CADM2: variants seen among roughly 807,000 people sequenced by gnomAD.
The protein encoded by CADM2 is immunoglobulin superfamily member 4D.
In CADM2, 12 loss-of-function variants were observed where a neutral mutation model predicts 49.8. The ratio of observed to expected loss-of-function variants is 0.24; its 90% confidence interval spans 0.15 to 0.39. The LOEUF is 0.39. CADM2 is among the 10% of genes least tolerant of loss of function. The pLI is 1.00. For missense variants in CADM2, 378 were observed against 492.3 expected (o/e 0.77, Z 2.20); for synonymous variants, 214 against 175.4 (o/e 1.22, Z -1.74).
At chr3:85,610,614 A>G (rs1342403357) in intron 1 of CADM2, among the ~76,000 whole-genome samples, 2 of 151,980 alleles carry the variant, frequency 1.3e-5, no homozygotes, top group Non-Finnish European at 2.9e-5. Flanking sequence ...AATCATCACC[A>G]AGCAAACACA....
At chr3:85,308,082 AT>A (rs2044256782) in intron 1 of CADM2, among the ~76,000 whole-genome samples, 1 of 151,844 alleles carries the variant, frequency 6.6e-6, no homozygotes, top group Admixed American at 6.6e-5. Flanking sequence ...TTCAGCCACG[AT>A]TCAGTAACTG....
intron 7 of CADM2, among the ~76,000 whole-genome samples, chr3:85,943,679 T>A (rs11918000): frequency 6.6e-6 from 1 of 151,798 alleles, no homozygotes; most frequent in Non-Finnish European, 1.5e-5. Context: ...CAAAACAGCA[T>A]GGTACTGGTA....
At chr3:85,004,481 A>AT (rs2033628648) in intron 1 of CADM2, among the ~76,000 whole-genome samples, 1 of 152,280 alleles carries the variant, frequency 6.6e-6, no homozygotes, top group Middle Eastern at 3.4e-3. Context: ...AGAAAAGTAA[A>AT]TAAGCAATTC....
chr3:85,812,066 A>G (rs569074577), intron 3 of CADM2, among the ~76,000 whole-genome samples: 179 of 152,192 alleles, frequency 1.2e-3, no homozygotes, highest in Non-Finnish European at 4.3e-4. Flanking sequence ...GGGCATTGAG[A>G]ATACTAAAAT....
At chr3:85,158,406 G>A (rs554340643) in intron 1 of CADM2, among the ~76,000 whole-genome samples, 5 of 152,302 alleles carry the variant, frequency 3.3e-5, no homozygotes, top group African/African-American at 9.6e-5. Flanking sequence ...GTTTACTGCG[G>A]CAGTATTCAC....
intron 1 of CADM2, among the ~76,000 whole-genome samples, chr3:85,344,494 G>A (rs1305392485): frequency 2.0e-5 from 3 of 151,866 alleles, no homozygotes; most frequent in Admixed American, 1.3e-4. Flanking sequence ...GACCAGGGGG[G>A]TGTTTGTAGT....
chr3:85,705,994 G>C (rs973031094), intron 1 of CADM2, among the ~76,000 whole-genome samples: 1 of 152,092 alleles, frequency 6.6e-6, no homozygotes, highest in African/African-American at 2.4e-5. Context: ...TATGACCTCA[G>C]ATTTATCTCT....
chr3:85,910,445 A>G (rs903565671), intron 5 of CADM2, among the ~76,000 whole-genome samples: 1 of 152,132 alleles, frequency 6.6e-6, no homozygotes, highest in Admixed American at 6.5e-5. Context: ...TCATAAATGC[A>G]TCTGAATTAT....
intron 7 of CADM2, among the ~76,000 whole-genome samples, chr3:85,961,000 G>A (rs1433260025): frequency 7.0e-6 from 1 of 142,872 alleles, no homozygotes; most frequent in African/African-American, 2.6e-5. Context: ...GTATTATTTA[G>A]TATTCATTAT....
At chr3:86,064,495 G>A (rs576714770) in intron 8 of CADM2, among the ~76,000 whole-genome samples, 6 of 152,216 alleles carry the variant, frequency 3.9e-5, no homozygotes, top group East Asian at 1.9e-4. Context: ...TTGCTATTGC[G>A]AGTAGTGCCG....
At chr3:85,180,930 G>A (rs547971999) in intron 1 of CADM2, among the ~76,000 whole-genome samples, 3 of 152,242 alleles carry the variant, frequency 2.0e-5, no homozygotes, top group African/African-American at 7.2e-5. Flanking sequence ...CCAGGTATAA[G>A]TGATTAGTCC....
At chr3:85,971,292 T>C (rs1726101108) in intron 8 of CADM2, among the ~76,000 whole-genome samples, 1 of 151,590 alleles carries the variant, frequency 6.6e-6, no homozygotes, top group South Asian at 2.1e-4. Flanking sequence ...GGTGTTTTGC[T>C]TTTAGAAGAT....
intron 1 of CADM2, among the ~76,000 whole-genome samples, chr3:85,133,434 A>G (rs2039300398): frequency 2.0e-5 from 3 of 151,984 alleles, no homozygotes; most frequent in African/African-American, 7.3e-5. Flanking sequence ...TGTGGACACA[A>G]AGGTTCTCCA....
chr3:85,082,409 T>C (rs2037199827), intron 1 of CADM2, among the ~76,000 whole-genome samples: 1 of 152,164 alleles, frequency 6.6e-6, no homozygotes, highest in African/African-American at 2.4e-5. Flanking sequence ...TATTTTGCAA[T>C]ACATGGACAT....
At chr3:84,989,932 T>C (rs2107173058) in intron 1 of CADM2, among the ~76,000 whole-genome samples, 1 of 152,054 alleles carries the variant, frequency 6.6e-6, no homozygotes, top group East Asian at 1.9e-4. Context: ...AGAAAAAAGT[T>C]ATTTAAAAAT....
intron 1 of CADM2, among the ~76,000 whole-genome samples, chr3:85,718,267 A>G (rs2067369594): frequency 6.6e-6 from 1 of 152,200 alleles, no homozygotes; most frequent in Non-Finnish European, 1.5e-5. Context: ...GATTTAGGGT[A>G]TTTCTAAAAT....
chr3:86,035,410 A>AT (rs1223932445), intron 8 of CADM2, among the ~76,000 whole-genome samples: 3 of 152,012 alleles, frequency 2.0e-5, no homozygotes, highest in Non-Finnish European at 4.4e-5. Context: ...TCTAATGGTA[A>AT]TTCCTTGTAT....
At chr3:85,948,030 A>G (rs1487674788) in intron 7 of CADM2, among the ~76,000 whole-genome samples, 1 of 151,590 alleles carries the variant, frequency 6.6e-6, no homozygotes, top group Non-Finnish European at 1.5e-5. Context: ...TGGTACTGTC[A>G]TATACGTTTA....
intron 1 of CADM2, among the ~76,000 whole-genome samples, chr3:85,173,673 T>A (rs2040698556): frequency 6.6e-6 from 1 of 152,064 alleles, no homozygotes; most frequent in Admixed American, 6.6e-5. Context: ...TTAAAGAAAA[T>A]CCATTGAAGC....
Sources: allele counts gnomAD v4.1 joint callset (sites outside exome capture counted in the v4.1 genomes callset), GRCh38; gene constraint gnomAD v4.1.1; transcripts MANE v1.5; gene names NCBI Gene and HGNC (gene_info 2026-07-23, HGNC 2026-07-21).